The following PRKRIP1 variants were observed in gnomAD, a reference collection of about 807,000 sequenced individuals.
The protein encoded by PRKRIP1 is PRKR interacting protein 1.
Under a neutral mutation model 29.3 loss-of-function variants are expected in PRKRIP1, and 29 were observed. The observed-to-expected ratio is 0.99, with a 90% CI of 0.74 to 1.35. The LOEUF (loss-of-function observed/expected upper bound fraction) is 1.35, where lower values mean the gene tolerates loss of function less well. PRKRIP1 is among the 40% of genes most tolerant of loss of function. PRKRIP1 has a pLI of 0.00. For missense variants in PRKRIP1, 247 were observed against 236.8 expected (o/e 1.04, Z -0.28); for synonymous variants, 90 against 85.1 (o/e 1.06, Z -0.32).
chr7:102,400,143 C>T (rs190840179), intron 3 of PRKRIP1, among the ~76,000 whole-genome samples: 3 of 151,704 alleles, frequency 2.0e-5, no homozygotes, highest in African/African-American at 7.3e-5. Flanking sequence ...AACCCCGTCT[C>T]TACTAAAAAT....
At chr7:102,416,801 T>TGAGTA (rs1796560843) in intron 5 of PRKRIP1, among the ~76,000 whole-genome samples, 6 of 151,758 alleles carry the variant, frequency 4.0e-5, no homozygotes, top group Admixed American at 3.9e-4. Context: ...TTCCTCAGCC[T>TGAGTA]CCTGAGTAGC....
rs1795903676 is a variant in PRKRIP1 at position 102,396,557 on chromosome 7, C to T, written c.126+20C>T. 2 of 1,600,830 alleles carry T rather than the reference C, an allele frequency of 1.2e-6. No individual in the cohort carries two copies. The highest frequency in any genetic ancestry group is 1.7e-6 in the Non-Finnish European group (2 of 1,175,358). ...AACCCGGTGAGACGAGGCCCAGGCT[C>T]CACGGCCCGTCCGAGGCCCACCCCC... On this transcript the variant is annotated intron_variant, in intron 1 of 5. Transcript: ENST00000397912.
rs1297263641 is a variant in PRKRIP1, at chr7:102,397,497, G to A, written c.127-123G>A. 33 of 738,212 alleles carry A rather than the reference G, an allele frequency of 4.5e-5. No individual in the cohort carries two copies. The Admixed American group carries it at 7.4e-4, about 17-fold the overall frequency. The allele number at this position is 738,212 out of a possible 1,614,324, so 45.7% of individuals were successfully genotyped here. ...GGAGTTCAAGGCTGCAGTGAGCTCT[G>A]ATTGCACCACTGCACTCCAGCCTGA... On this transcript the variant is annotated intron_variant, in intron 1 of 5. Coordinates refer to ENST00000397912, the MANE Select transcript of PRKRIP1 (RefSeq NM_024653.4).
At chr7:102,403,252 A>C (rs912805514) in intron 3 of PRKRIP1, among the ~76,000 whole-genome samples, 1 of 152,216 alleles carries the variant, frequency 6.6e-6, no homozygotes, top group Admixed American at 6.5e-5. Context: ...AAAGTTGATT[A>C]ATTAAAGTTG....
chr7:102,417,176 G>A (rs1437490542), intron 5 of PRKRIP1, among the ~76,000 whole-genome samples: 1 of 152,052 alleles, frequency 6.6e-6, no homozygotes, highest in Non-Finnish European at 1.5e-5. Flanking sequence ...TTTTTCTGGA[G>A]ATGGGGTCTC....
At chr7:102,396,578 C>T in intron 1 of PRKRIP1, 41 bp downstream of exon 1, 1 of 1,581,204 alleles carries the variant, frequency 6.3e-7, no homozygotes, top group Non-Finnish European at 8.6e-7. Context: ...CCGAGGCCCA[C>T]CCCCTTCCTC....
intron 3 of PRKRIP1, among the ~76,000 whole-genome samples, chr7:102,402,894 T>G (rs1192257988): frequency 6.6e-6 from 1 of 151,974 alleles, no homozygotes; most frequent in African/African-American, 2.4e-5. Context: ...GCTTTTTTTT[T>G]TTCTCTGAGA....
At position 102,399,599 on chromosome 7, in the gene PRKRIP1, G is replaced by A. The variant is rs367627621; in HGVS notation, c.257G>A (p.Arg86His). The A allele has an allele frequency of 3.1e-6, 5 of 1,614,106 alleles. No individual in the cohort carries two copies. The highest frequency in any genetic ancestry group is 1.1e-5 in the South Asian group (1 of 91,086). ...GAGTTCCACGTGTACAGACATCTGC[G>A]CCGGAGAGAATATCAGCGACAGGAC... is the stretch of plus-strand genomic sequence containing the variant. Reference protein sequence around the residue: ...SGEFHVYRHLRRREYQRQDYM... With the variant: ...SGEFHVYRHLHRREYQRQDYM... Residue 86 changes from arginine to histidine, a missense_variant, in exon 3 of 6, where the codon CGC (arginine) becomes CAC (histidine). This residue lies in a region of PRKRIP1 where 134 missense variants were observed against 126.6 expected (regional missense o/e 1.06). Transcript: ENST00000397912.
At chr7:102,410,469 A>G (rs1796351310) in intron 5 of PRKRIP1, among the ~76,000 whole-genome samples, 1 of 152,132 alleles carries the variant, frequency 6.6e-6, no homozygotes, top group African/African-American at 2.4e-5. Context: ...GAACTGCTAG[A>G]CAGGTCAACT....
At chr7:102,401,029 C>T (rs1411390244) in intron 3 of PRKRIP1, among the ~76,000 whole-genome samples, 3 of 152,072 alleles carry the variant, frequency 2.0e-5, no homozygotes, top group African/African-American at 7.2e-5. Context: ...TGGAACTTCC[C>T]GATGTCTGCA....
intron 5 of PRKRIP1, among the ~76,000 whole-genome samples, chr7:102,421,660 A>G (rs529343166): frequency 1.3e-5 from 2 of 152,216 alleles, no homozygotes; most frequent in East Asian, 1.9e-4. Flanking sequence ...AGCCGGGTGT[A>G]GTGTCACACA....
chr7:102,424,012 G>A (rs1487334214), intron 5 of PRKRIP1, among the ~76,000 whole-genome samples: 1 of 152,196 alleles, frequency 6.6e-6, no homozygotes, highest in Non-Finnish European at 1.5e-5. Context: ...TGAGGTTGAG[G>A]GGAAAAAGGG....
Position 102,397,708 on chromosome 7 carries a change from G to A in PRKRIP1, c.205+10G>A. The A allele has an allele frequency of 1.5e-4, 1 of 6,676 alleles. No individual in the cohort carries two copies. The highest frequency in any genetic ancestry group is 2.0e-3 in the Non-Finnish European group (1 of 506). The allele number at this position is 6,676 out of a possible 1,614,324, so 0.4% of individuals were successfully genotyped here. ...GTCCGAGATGTCATGGGTAATGGCT[G>A]TGTGTGTGTGTGTGTGTGTGTGTGT... On this transcript the variant is annotated intron_variant, in intron 2 of 5. Coordinates refer to ENST00000397912, the MANE Select transcript of PRKRIP1 (RefSeq NM_024653.4).
intron 2 of PRKRIP1, among the ~76,000 whole-genome samples, chr7:102,398,779 A>G (rs895953139): frequency 6.6e-6 from 1 of 152,208 alleles, no homozygotes; most frequent in Non-Finnish European, 1.5e-5. Flanking sequence ...CCCACTGCAC[A>G]TACAAGTTTT....
intron 1 of PRKRIP1, among the ~76,000 whole-genome samples, chr7:102,397,296 C>T (rs1216487345): frequency 6.6e-6 from 1 of 152,096 alleles, no homozygotes; most frequent in East Asian, 1.9e-4. Context: ...GTAATTTCAG[C>T]GCTTTGGGAG....
At chr7:102,423,422 G>T (rs113243875) in intron 5 of PRKRIP1, 3 of 297,676 alleles carry the variant, frequency 1.0e-5, no homozygotes, top group Non-Finnish European at 2.0e-5. Context: ...CGCCTTATAC[G>T]ATTTCTGCAG....
rs782492566 is a variant in PRKRIP1 at position 102,396,544 on chromosome 7, C to A, written c.126+7C>A. 1.2e-6 allele frequency: 2 copies of A among 1,605,614 alleles called. No homozygotes were observed. Among genetic ancestry groups the A allele is most frequent in the South Asian group, 2.2e-5 (2 of 90,772 alleles). ...GCGGCTCATGAAGAACCCGGTGAGA[C>A]GAGGCCCAGGCTCCACGGCCCGTCC... On this transcript the variant is annotated splice_region_variant and intron_variant, in intron 1 of 5. Transcript: ENST00000397912.
intron 5 of PRKRIP1, among the ~76,000 whole-genome samples, chr7:102,414,509 A>G (rs189387526): frequency 3.6e-4 from 55 of 152,306 alleles, no homozygotes; most frequent in African/African-American, 1.3e-3. Context: ...CTTTTATGAA[A>G]CAGTAGATTG....
At chr7:102,421,001 A>C (rs1294385493) in intron 5 of PRKRIP1, among the ~76,000 whole-genome samples, 7 of 152,034 alleles carry the variant, frequency 4.6e-5, no homozygotes, top group African/African-American at 1.7e-4. Context: ...ACGATGCCCC[A>C]CACGGTGCCC....
Sources: gnomAD v4.1 joint callset for allele counts (sites outside exome capture counted in the v4.1 genomes callset) on GRCh38, gnomAD v4.1.1 for gene constraint, gnomAD v4.1.1 regional missense constraint, MANE v1.5 for transcripts, NCBI Gene and HGNC (gene_info 2026-07-23, HGNC 2026-07-21) for gene names.